ROBO1: variants seen among roughly 807,000 people sequenced by gnomAD.
ROBO1 encodes the protein roundabout guidance receptor 1.
In ROBO1, 149 loss-of-function variants were observed where a neutral mutation model predicts 195.9. The observed-to-expected ratio is 0.76, with a 90% CI of 0.67 to 0.87. The LOEUF is 0.87. Among genes scored for constraint, ROBO1 ranks in the 40% least tolerant of loss-of-function variants. ROBO1 has a pLI of 0.00. For missense variants in ROBO1, 1,933 were observed against 2,068.3 expected, an observed-to-expected ratio of 0.93 and a Z score of 1.27; for synonymous variants, 816 against 733.2, an observed-to-expected ratio of 1.11 and a Z score of -1.82.
At chr3:79,174,593 A>G (rs2081231728) in intron 2 of ROBO1, among the ~76,000 whole-genome samples, 2 of 152,168 alleles carry the variant, frequency 1.3e-5, no homozygotes, top group South Asian at 4.1e-4. Context: ...ATAATAGTAT[A>G]GACAAATAGG....
intron 2 of ROBO1, among the ~76,000 whole-genome samples, chr3:79,553,747 A>T (rs1942604373): frequency 6.6e-6 from 1 of 152,118 alleles, no homozygotes; most frequent in South Asian, 2.1e-4. Flanking sequence ...AATACTGATA[A>T]TTGCTCTTTC....
At chr3:79,336,789 C>G (rs753777327) in intron 2 of ROBO1, among the ~76,000 whole-genome samples, 1 of 152,170 alleles carries the variant, frequency 6.6e-6, no homozygotes, top group Non-Finnish European at 1.5e-5. Context: ...CACTCAATGC[C>G]AGCCTGTGAA....
intron 1 of ROBO1, among the ~76,000 whole-genome samples, chr3:79,760,674 A>G (rs13314981): frequency 0.22 from 33,709 of 150,960 alleles, 4,096 homozygotes; most frequent in East Asian, 0.32. Flanking sequence ...ATCAGAAAAG[A>G]CAAATTAAAA....
rs114237434 is a variant in ROBO1, at chr3:78,710,580, A to C, written c.1045+3817T>G. Among the ~76,000 whole-genome samples, 1,173 of 152,294 alleles carry C rather than the reference A, an allele frequency of 7.7e-3. 16 individuals are homozygous for C. The highest frequency in any genetic ancestry group is 0.026 in the African/African-American group (1,099 of 41,558). On this transcript the variant is annotated intron_variant, in intron 8 of 30. Transcript: ENST00000464233. The stretch of plus-strand genomic sequence containing the variant: ...GTACTGTATAACAGATAATATGTTA[A>C]ATATCCTTATACAAAGGTTGGTATT...
intron 3 of ROBO1, among the ~76,000 whole-genome samples, chr3:79,035,964 A>T (rs1576595914): frequency 6.6e-6 from 1 of 152,116 alleles, no homozygotes; most frequent in African/African-American, 2.4e-5. Flanking sequence ...TTAATATTTT[A>T]AAAAACCATC....
intron 2 of ROBO1, among the ~76,000 whole-genome samples, chr3:79,300,957 C>A (rs2032914270): frequency 6.6e-6 from 1 of 152,038 alleles, no homozygotes. Flanking sequence ...AGCGCCCTGT[C>A]AAAACACACC....
chr3:78,949,800 C>T (rs1348489970), intron 3 of ROBO1, among the ~76,000 whole-genome samples: 1 of 151,978 alleles, frequency 6.6e-6, no homozygotes, highest in Non-Finnish European at 1.5e-5. Context: ...ACAATGAACT[C>T]CAACAAATTT....
intron 2 of ROBO1, among the ~76,000 whole-genome samples, chr3:79,327,775 G>C (rs1361497087): frequency 6.6e-6 from 1 of 151,908 alleles, no homozygotes; most frequent in Non-Finnish European, 1.5e-5. Context: ...CTTAACTAAG[G>C]GCTTATTCTT....
intron 8 of ROBO1, among the ~76,000 whole-genome samples, chr3:78,709,042 C>T (rs2081618890): frequency 6.6e-6 from 1 of 152,076 alleles, no homozygotes; most frequent in Admixed American, 6.5e-5. Flanking sequence ...AGATATTATA[C>T]ACATGGAGAG....
At chr3:79,571,482 A>G (rs140111288) in intron 2 of ROBO1, among the ~76,000 whole-genome samples, 1 of 152,230 alleles carries the variant, frequency 6.6e-6, no homozygotes, top group East Asian at 1.9e-4. Context: ...AAGAAAGACA[A>G]AGTTTTAAAT....
At chr3:78,998,108 C>A (rs890772457) in intron 3 of ROBO1, among the ~76,000 whole-genome samples, 2 of 152,114 alleles carry the variant, frequency 1.3e-5, no homozygotes, top group South Asian at 2.1e-4. Context: ...CTACTCCATA[C>A]CCCATGGTTT....
At chr3:78,678,352 C>G (rs1360500720) in intron 10 of ROBO1, among the ~76,000 whole-genome samples, 1 of 151,712 alleles carries the variant, frequency 6.6e-6, no homozygotes, top group South Asian at 2.1e-4. Flanking sequence ...AATAGAGACA[C>G]AAAAAACCCT....
intron 2 of ROBO1, among the ~76,000 whole-genome samples, chr3:79,195,459 G>T (rs1013376539): frequency 9.2e-5 from 14 of 151,418 alleles, no homozygotes; most frequent in Non-Finnish European, 1.8e-4. Context: ...TCAAAAGCAG[G>T]GAACCACTTA....
intron 3 of ROBO1, among the ~76,000 whole-genome samples, chr3:78,991,237 T>A (rs1281187621): frequency 6.6e-6 from 1 of 152,120 alleles, no homozygotes; most frequent in Non-Finnish European, 1.5e-5. Context: ...GGAAGATGGG[T>A]ACCACCAATG....
intron 2 of ROBO1, among the ~76,000 whole-genome samples, chr3:79,449,391 G>T (rs1017461578): frequency 1.3e-5 from 2 of 151,474 alleles, no homozygotes; most frequent in Non-Finnish European, 2.9e-5. Context: ...TTTGGCAGAA[G>T]AACATTCATT....
chr3:78,854,590 GTC>G (rs1363808399), intron 4 of ROBO1, among the ~76,000 whole-genome samples: 2 of 151,630 alleles, frequency 1.3e-5, no homozygotes, highest in African/African-American at 2.4e-5. Context: ...CTTTATTCAT[GTC>G]TCTATTCTAT....
intron 1 of ROBO1, among the ~76,000 whole-genome samples, chr3:79,614,258 A>G (rs1481681425): frequency 6.6e-6 from 1 of 152,144 alleles, no homozygotes; most frequent in African/African-American, 2.4e-5. Context: ...GCCAGAAAAT[A>G]AAACTCAAAC....
At chr3:78,736,583 G>A (rs990649313) in intron 5 of ROBO1, among the ~76,000 whole-genome samples, 5 of 151,994 alleles carry the variant, frequency 3.3e-5, no homozygotes, top group East Asian at 3.9e-4. Flanking sequence ...CTCATATATC[G>A]GTATACCAAG....
intron 1 of ROBO1, among the ~76,000 whole-genome samples, chr3:79,744,105 T>C (rs545998276): frequency 6.6e-6 from 1 of 152,208 alleles, no homozygotes; most frequent in Non-Finnish European, 1.5e-5. Context: ...AGACTAACAG[T>C]GCAGTAAATT....
Sources: gnomAD v4.1 joint callset for allele counts (sites outside exome capture counted in the v4.1 genomes callset) on GRCh38, gnomAD v4.1.1 for gene constraint, MANE v1.5 for transcripts, NCBI Gene and HGNC (gene_info 2026-07-23, HGNC 2026-07-21) for gene names.